ZNF407: variants seen among roughly 807,000 people sequenced by gnomAD.
The protein encoded by ZNF407 is zinc finger protein 407.
ZNF407 carries 17 observed loss-of-function variants against 131.2 expected under a neutral mutation model. The ratio of observed to expected loss-of-function variants is 0.13; its 90% confidence interval spans 0.09 to 0.19. ZNF407 has a LOEUF of 0.19. ZNF407 is among the 10% of genes least tolerant of loss of function. The pLI is 1.00. For synonymous variants in ZNF407, 1,156 were observed against 1,062.0 expected (o/e 1.09, Z -1.72); for missense variants, 2,681 against 2,830.6 (o/e 0.95, Z 1.20).
At chr18:74,662,007 A>G (rs898750472) in intron 3 of ZNF407, among the ~76,000 whole-genome samples, 6 of 150,228 alleles carry the variant, frequency 4.0e-5, no homozygotes, top group African/African-American at 7.3e-5. Context: ...AGTGCCTGCC[A>G]TGCGGTGTCT....
chr18:74,957,075 T>G (rs1308512951), intron 8 of ZNF407, among the ~76,000 whole-genome samples: 1 of 152,188 alleles, frequency 6.6e-6, no homozygotes, highest in Non-Finnish European at 1.5e-5. Flanking sequence ...GAGTTGAACT[T>G]AAGAGAAAGT....
intron 8 of ZNF407, among the ~76,000 whole-genome samples, chr18:75,003,749 C>T (rs1972874961): frequency 6.6e-6 from 1 of 152,188 alleles, no homozygotes. Flanking sequence ...AGTACAGATA[C>T]TGTGTTTTCT....
At chr18:74,897,728 A>G (rs1020079509) in intron 7 of ZNF407, among the ~76,000 whole-genome samples, 4 of 152,222 alleles carry the variant, frequency 2.6e-5, no homozygotes, top group East Asian at 1.9e-4. Context: ...GTAACTATCT[A>G]TATCTTCCAG....
chr18:74,692,203 G>A (rs1967241516), intron 3 of ZNF407, among the ~76,000 whole-genome samples: 1 of 152,126 alleles, frequency 6.6e-6, no homozygotes, highest in African/African-American at 2.4e-5. Context: ...TTCAGTCAAG[G>A]CCATTAGCAT....
intron 8 of ZNF407, among the ~76,000 whole-genome samples, chr18:75,012,098 T>G (rs1972980922): frequency 1.3e-5 from 2 of 152,196 alleles, no homozygotes; most frequent in Admixed American, 1.3e-4. Context: ...ACTAGCACTC[T>G]GTTACAGCTG....
chr18:75,007,426 G>C (rs1055168831), intron 8 of ZNF407, among the ~76,000 whole-genome samples: 1 of 152,134 alleles, frequency 6.6e-6, no homozygotes, highest in African/African-American at 2.4e-5. Flanking sequence ...GGGCACCGCA[G>C]CGCCTTAGTC....
rs1968496552 is a variant in ZNF407 at position 74,739,441 on chromosome 18, C to T, written c.4803-41987C>T. On this transcript the variant is annotated intron_variant, in intron 3 of 8. Coordinates refer to ENST00000299687, the MANE Select transcript of ZNF407 (RefSeq NM_017757.3). ...TGTCAGTAACTAAAAAGTAGGTGGT[C>T]ATTGAAACAGGTATTTTCCTTTCAG... Among the ~76,000 whole-genome samples the T allele has an allele frequency of 2.0e-5, 3 of 151,680 alleles. No homozygotes were observed. The South Asian group carries it at 6.2e-4, about 31-fold the overall frequency.
intron 8 of ZNF407, among the ~76,000 whole-genome samples, chr18:74,954,097 T>C (rs1271091923): frequency 6.6e-6 from 1 of 152,256 alleles, no homozygotes; most frequent in African/African-American, 2.4e-5. Flanking sequence ...ACTTTTCCAA[T>C]ATTAATATGT....
intron 8 of ZNF407, among the ~76,000 whole-genome samples, chr18:75,007,031 T>C (rs1972918815): frequency 6.6e-6 from 1 of 152,098 alleles, no homozygotes; most frequent in South Asian, 2.1e-4. Context: ...ATGCCTCTTT[T>C]TCATTTCAAC....
intron 3 of ZNF407, among the ~76,000 whole-genome samples, chr18:74,752,518 T>G (rs1968830601): frequency 6.6e-6 from 1 of 152,248 alleles, no homozygotes; most frequent in Admixed American, 6.5e-5. Context: ...GTCTAACATT[T>G]AAGTCTTTAA....
chr18:74,988,910 G>C (rs1972685513), intron 8 of ZNF407, among the ~76,000 whole-genome samples: 1 of 152,142 alleles, frequency 6.6e-6, no homozygotes, highest in Admixed American at 6.5e-5. Context: ...AAAACAGTTT[G>C]ATAAGTTCTT....
intron 8 of ZNF407, among the ~76,000 whole-genome samples, chr18:75,020,919 CG>C (rs1487675965): frequency 6.6e-6 from 1 of 152,068 alleles, no homozygotes; most frequent in Admixed American, 6.6e-5. Flanking sequence ...GACAGTGGGC[CG>C]TGGCTGGAGG....
chr18:74,852,164 T>TACACACACACACAC (rs10539805), intron 4 of ZNF407, among the ~76,000 whole-genome samples: 4 of 149,670 alleles, frequency 2.7e-5, no homozygotes, highest in Admixed American at 6.6e-5. Flanking sequence ...GGATGCATGC[T>TACACACACACACAC]ACACACACAC....
chr18:74,603,208 C>T (rs745891528), intron 1 of ZNF407, among the ~76,000 whole-genome samples: 2 of 152,208 alleles, frequency 1.3e-5, no homozygotes, highest in Non-Finnish European at 2.9e-5. Context: ...CTGTGCTGCA[C>T]AGATGCTATG....
At chr18:74,839,143 T>TG (rs1381973614) in intron 4 of ZNF407, among the ~76,000 whole-genome samples, 4 of 152,226 alleles carry the variant, frequency 2.6e-5, no homozygotes, top group South Asian at 2.1e-4. Context: ...AGTTGAGAGT[T>TG]GTAGTTTGGA....
intron 4 of ZNF407, among the ~76,000 whole-genome samples, chr18:74,815,242 G>T (rs541349412): frequency 6.6e-6 from 1 of 152,172 alleles, no homozygotes; most frequent in East Asian, 1.9e-4. Context: ...TTAGAGTTGG[G>T]TTCTCACTAT....
chr18:74,698,383 C>T (rs1967410470), intron 3 of ZNF407, among the ~76,000 whole-genome samples: 2 of 152,346 alleles, frequency 1.3e-5, no homozygotes, highest in South Asian at 4.1e-4. Flanking sequence ...ATTTGTCTCT[C>T]ACCTGATGGT....
chr18:74,644,177 CTTTTTTTTTT>C (rs34393480), intron 3 of ZNF407, among the ~76,000 whole-genome samples: 2 of 118,870 alleles, frequency 1.7e-5, no homozygotes, highest in East Asian at 5.1e-4. Context: ...TTGGGGGAAT[CTTTTTTTTTT>C]TTTTTTTTTG....
chr18:74,684,564 G>A (rs1420094709), intron 3 of ZNF407, among the ~76,000 whole-genome samples: 6 of 152,134 alleles, frequency 3.9e-5, no homozygotes, highest in Non-Finnish European at 7.4e-5. Context: ...TCTAAAGAGC[G>A]TTCTTTTTGA....
Sources: allele counts gnomAD v4.1 joint callset (sites outside exome capture counted in the v4.1 genomes callset), GRCh38; gene constraint gnomAD v4.1.1; transcripts MANE v1.5; gene names NCBI Gene and HGNC (gene_info 2026-07-23, HGNC 2026-07-21).